The following DNER variants were observed in gnomAD, a reference collection of about 807,000 sequenced individuals.
DNER encodes delta and Notch-like epidermal growth factor-related receptor.
DNER carries 33 observed loss-of-function variants against 78.2 expected under a neutral mutation model. The observed-to-expected ratio is 0.42, with a 90% CI of 0.32 to 0.56. The LOEUF is 0.56. Ranked by LOEUF, DNER falls within the 20% of genes least tolerant of loss-of-function variation. The pLI is 0.11. For missense variants in DNER, 918 were observed against 975.3 expected (o/e 0.94, Z 0.78); for synonymous variants, 417 against 384.8 (o/e 1.08, Z -0.98).
At chr2:229,606,853 A>AC (rs1220825546) in intron 1 of DNER, among the ~76,000 whole-genome samples, 1 of 152,100 alleles carries the variant, frequency 6.6e-6, no homozygotes, top group Admixed American at 6.5e-5. Flanking sequence ...AGATGGTGCT[A>AC]TTTGCACTCC....
chr2:229,516,756 G>T (rs1695980720), intron 5 of DNER, among the ~76,000 whole-genome samples: 1 of 146,618 alleles, frequency 6.8e-6, no homozygotes, highest in South Asian at 2.2e-4. Context: ...CTGCACTCTA[G>T]CCTGGGTAAC....
At chr2:229,709,185 C>T (rs1229256382) in intron 1 of DNER, among the ~76,000 whole-genome samples, 3 of 152,092 alleles carry the variant, frequency 2.0e-5, no homozygotes, top group Admixed American at 6.5e-5. Context: ...TTTATTTTTG[C>T]AACGTGTTAC....
At chr2:229,360,847 T>C (rs373050124) in intron 12 of DNER, among the ~76,000 whole-genome samples, 9 of 152,292 alleles carry the variant, frequency 5.9e-5, no homozygotes, top group African/African-American at 1.4e-4. Flanking sequence ...CCGGTCCTAA[T>C]GGGATTAACT....
At chr2:229,666,362 G>A (rs1699092582) in intron 1 of DNER, among the ~76,000 whole-genome samples, 1 of 152,028 alleles carries the variant, frequency 6.6e-6, no homozygotes, top group Non-Finnish European at 1.5e-5. Context: ...AAAAGCACAG[G>A]TGCAGTAAAA....
At chr2:229,648,144 T>C (rs1698752835) in intron 1 of DNER, among the ~76,000 whole-genome samples, 1 of 152,230 alleles carries the variant, frequency 6.6e-6, no homozygotes. Context: ...TTTAGTGTAC[T>C]GGGGAGGCAC....
chr2:229,619,172 C>G (rs540383271), intron 1 of DNER, among the ~76,000 whole-genome samples: 1 of 149,356 alleles, frequency 6.7e-6, no homozygotes, highest in East Asian at 1.9e-4. Flanking sequence ...CACACACACA[C>G]ATACACACAC....
Position 229,413,321 on chromosome 2 carries a change from C to CTTTTTTTTTTTTTTTTT in DNER, c.1609+4770_1609+4786dup, listed in dbSNP as rs398061160. Among the ~76,000 whole-genome samples, 55 of 67,772 alleles carry CTTTTTTTTTTTTTTTTT rather than the reference C, an allele frequency of 8.1e-4. 4 individuals are homozygous for CTTTTTTTTTTTTTTTTT. Among genetic ancestry groups the CTTTTTTTTTTTTTTTTT allele is most frequent in the African/African-American group, 2.5e-3 (51 of 20,338 alleles). The allele number at this position is 67,772 out of a possible 152,430, so 44.5% of individuals were successfully genotyped here. ...TGCTTTTCTTTTTCTTTTTCTTCTT[C>CTTTTTTTTTTTTTTTTT]TTTTTTTTTTTTTTTTTTTTTGACG... is the stretch of plus-strand genomic sequence containing the variant. On this transcript the variant is annotated intron_variant, in intron 9 of 12. Coordinates refer to ENST00000341772, the MANE Select transcript of DNER (RefSeq NM_139072.4).
intron 8 of DNER, among the ~76,000 whole-genome samples, chr2:229,442,514 T>G (rs1574845207): frequency 6.8e-6 from 1 of 147,254 alleles, no homozygotes; most frequent in South Asian, 2.2e-4. Context: ...CGCTCTGTCT[T>G]AAAAAAAAAA....
chr2:229,581,745 G>A (rs1035163878), intron 4 of DNER, among the ~76,000 whole-genome samples: 1 of 152,126 alleles, frequency 6.6e-6, no homozygotes, highest in African/African-American at 2.4e-5. Context: ...TTAGGCTCTC[G>A]GCAATAAACT....
At chr2:229,616,362 A>AT (rs58644265) in intron 1 of DNER, among the ~76,000 whole-genome samples, 32,518 of 150,220 alleles carry the variant, frequency 0.22, 3,822 homozygotes, top group African/African-American at 0.29. Context: ...CTTATTACTG[A>AT]TTTTTTTTTT....
intron 1 of DNER, among the ~76,000 whole-genome samples, chr2:229,699,711 C>T (rs1316914323): frequency 6.6e-6 from 1 of 152,116 alleles, no homozygotes; most frequent in Non-Finnish European, 1.5e-5. Context: ...CTTATCAATA[C>T]AAATCTTGGA....
At chr2:229,499,444 CAAAAAAAA>C (rs777417272) in intron 6 of DNER, among the ~76,000 whole-genome samples, 5 of 74,820 alleles carry the variant, frequency 6.7e-5, no homozygotes, top group African/African-American at 2.6e-4. Context: ...GACTCCAACT[CAAAAAAAA>C]AAAAAAAAAG....
chr2:229,696,225 A>G (rs763994022), intron 1 of DNER, among the ~76,000 whole-genome samples: 22 of 152,326 alleles, frequency 1.4e-4, no homozygotes, highest in Non-Finnish European at 2.4e-4. Flanking sequence ...TTAAAAAACC[A>G]GCAATATAAG....
At chr2:229,540,030 C>CA (rs200742039) in intron 5 of DNER, among the ~76,000 whole-genome samples, 1 of 152,006 alleles carries the variant, frequency 6.6e-6, no homozygotes, top group Non-Finnish European at 1.5e-5. Flanking sequence ...GAAGGGAATG[C>CA]AAAAAATAAT....
chr2:229,483,750 T>C (rs1049921989), intron 6 of DNER, among the ~76,000 whole-genome samples: 2 of 152,202 alleles, frequency 1.3e-5, no homozygotes, highest in African/African-American at 2.4e-5. Flanking sequence ...CAGCCTTCTG[T>C]GCCCACCCTC....
chr2:229,472,850 G>A (rs868340183), intron 7 of DNER, among the ~76,000 whole-genome samples: 2 of 152,162 alleles, frequency 1.3e-5, no homozygotes, highest in Non-Finnish European at 2.9e-5. Context: ...AAGCTAAGTC[G>A]AAATTCAGGA....
chr2:229,591,468 C>T lies in DNER; in HGVS notation c.585+112G>A, dbSNP rs143715369. The T allele has an allele frequency of 9.2e-6, 12 of 1,310,696 alleles. No individual in the cohort carries two copies. Among genetic ancestry groups the T allele is most frequent in the African/African-American group, 4.5e-5 (3 of 66,934 alleles). 81.2% of individuals were successfully genotyped at this position (1,310,696 alleles called of 1,614,324 possible). A position where few individuals can be genotyped will look rare whatever the true frequency, so the allele number is the denominator to read the frequency against. On this transcript the variant is annotated intron_variant, in intron 2 of 12. Coordinates refer to ENST00000341772, the MANE Select transcript of DNER (RefSeq NM_139072.4). This position sits in a 1 kb window ranked among gnomAD's most constrained non-coding sequence, Gnocchi z 4.6. The stretch of plus-strand genomic sequence containing the variant: ...ATAAGTTTAGGGAGATATTTTGCTT[C>T]GTGATTTAACTTAAAATGCTTTCAT...
chr2:229,629,600 G>C (rs1433550757), intron 1 of DNER, among the ~76,000 whole-genome samples: 3 of 152,232 alleles, frequency 2.0e-5, no homozygotes, highest in African/African-American at 7.2e-5. Context: ...GCAGTCAGCT[G>C]TGGGGCTTCC....
intron 7 of DNER, among the ~76,000 whole-genome samples, chr2:229,467,382 AG>A (rs1175801566): frequency 6.6e-6 from 1 of 152,222 alleles, no homozygotes; most frequent in Non-Finnish European, 1.5e-5. Context: ...GAGTCAAAGA[AG>A]GGTTTATTTA....
Sources: allele counts gnomAD v4.1 joint callset (sites outside exome capture counted in the v4.1 genomes callset), GRCh38; gene constraint gnomAD v4.1.1; non-coding constraint Gnocchi (gnomAD v3.1); transcripts MANE v1.5; gene names NCBI Gene and HGNC (gene_info 2026-07-23, HGNC 2026-07-21).